Variants in RBM42 observed in about 807,000 individuals in gnomAD.
RBM42 encodes the protein RNA-binding protein 42.
In RBM42, 21 loss-of-function variants were observed where a neutral mutation model predicts 41.4. That is an observed-to-expected ratio of 0.51 (90% CI 0.36 to 0.73). The LOEUF (loss-of-function observed/expected upper bound fraction) is 0.73. Ranked by LOEUF, RBM42 falls within the 30% of genes least tolerant of loss-of-function variation. The pLI, the probability that RBM42 is intolerant of heterozygous loss-of-function variation, is 0.00. For synonymous variants in RBM42, 272 were observed against 271.2 expected, an observed-to-expected ratio of 1.00 and a Z score of -0.03; for missense variants, 539 against 680.4, an observed-to-expected ratio of 0.79 and a Z score of 2.31.
Position 35,634,281 on chromosome 19 carries a change from A to G in RBM42, c.1043A>G (p.Lys348Arg). The G allele has an allele frequency of 6.2e-7, 1 of 1,614,194 alleles. No homozygotes were observed. Among genetic ancestry groups the G allele is most frequent in the Non-Finnish European group, 8.5e-7 (1 of 1,180,022 alleles). Residue 348 changes from lysine to arginine, a missense_variant, in exon 8 of 10, where the codon AAG becomes AGG. This residue lies in a region of RBM42 where 429 missense variants were observed against 488.9 expected (regional missense o/e 0.88). Coordinates refer to ENST00000262633, the MANE Select transcript of RBM42 (RefSeq NM_024321.5). ...LEVPEPLGED[K>R]KKGKPEKLKR... ...GTCCCAGAGCCCCTGGGTGAAGACA[A>G]GAAGAAGGGGAAGCCAGAGAAATTG...
chr19:35,634,418 A>G (rs776971124), intron 8 of RBM42, 45 bp downstream of exon 8: 10 of 1,417,364 alleles, frequency 7.1e-6, no homozygotes, highest in Non-Finnish European at 9.0e-6. Flanking sequence ...GGCCAAGGTC[A>G]GACCAGGCTG....
At position 35,631,349 on chromosome 19, in the gene RBM42, A is replaced by T; in HGVS notation, c.386A>T (p.Asp129Val). Residue 129 changes from aspartate (D) to valine (V), a missense_variant, in exon 4 of 10, where the codon GAT becomes GTT. Coordinates refer to ENST00000262633, the MANE Select transcript of RBM42 (RefSeq NM_024321.5). ...FVGPVGFGPG[D>V]RSHLDSPEAR... ...CCAACAGTTGGCTTTGGCCCTGGTG[A>T]TCGGAGTCACCTGGACAGCCCAGAG... is the stretch of plus-strand genomic sequence containing the variant. 1 of 1,614,160 alleles carries T rather than the reference A, an allele frequency of 6.2e-7. No homozygotes were observed. The highest frequency in any genetic ancestry group is 8.5e-7 in the Non-Finnish European group (1 of 1,180,028).
chr19:35,631,854 A>C (rs1269356579), intron 4 of RBM42: 2 of 167,598 alleles, frequency 1.2e-5, no homozygotes, highest in African/African-American at 4.8e-5. Context: ...TGCTTCTTGC[A>C]GGGAGAGATC....
Position 35,637,318 on chromosome 19 carries a change from C to T in RBM42, c.1296C>T (p.Pro432=). Residue 432 remains proline (P), a synonymous_variant, in exon 9 of 10, where the codon CCC becomes CCT. Coordinates refer to ENST00000262633, the MANE Select transcript of RBM42 (RefSeq NM_024321.5). This position sits in a 1 kb window ranked among gnomAD's most constrained non-coding sequence, Gnocchi z 7.0. ...KGYGFVSFKD[P]SDYVRAMREM... ...ACGGCTTCGTCAGCTTCAAGGACCCCAGCGACTACGTGCGCGCCATGCGTG... is the reference window on the plus strand; with the variant it reads ...ACGGCTTCGTCAGCTTCAAGGACCCTAGCGACTACGTGCGCGCCATGCGTG... 1 of 1,614,262 alleles carries T rather than the reference C, an allele frequency of 6.2e-7. No homozygotes were observed. The highest frequency in any genetic ancestry group is 8.5e-7 in the Non-Finnish European group (1 of 1,180,046).
chr19:35,629,598 C>A lies in RBM42; in HGVS notation c.207C>A (p.Val69=). The A allele has an allele frequency of 6.2e-7, 1 of 1,614,212 alleles. No homozygotes were observed. The highest frequency in any genetic ancestry group is 1.1e-5 in the South Asian group (1 of 91,084). The part of the protein sequence containing the change: ...AVPAVPTVPT[V]PTVEAMQVPA... ...CTGCGGTGCCCACTGTCCCCACGGT[C>A]CCCACAGTAGAAGCGATGCAGGTCC... The change falls in exon 2 of 10, where the codon GTC becomes GTA. Residue 69 remains valine (V), a synonymous_variant. Transcript: ENST00000262633.
rs1967448562 is a variant in RBM42 at position 35,633,812 on chromosome 19, A to G, written c.810A>G (p.Ala270=). ...CTAGCGCGGCTGTGGCCGTGGGGGC[A>G]GGAGGTGCCCCAGCTGGCCCTGCAG... ...EEASAAVAVG[A]GGAPAGPAVI... The change falls in exon 7 of 10, where the codon GCA becomes GCG. Residue 270 remains alanine (A), a synonymous_variant. Coordinates refer to ENST00000262633, the MANE Select transcript of RBM42 (RefSeq NM_024321.5). The G allele has an allele frequency of 2.0e-6, 3 of 1,512,102 alleles. No individual in the cohort carries two copies. Among genetic ancestry groups the G allele is most frequent in the Non-Finnish European group, 2.6e-6 (3 of 1,138,048 alleles). The allele number at this position is 1,512,102 out of a possible 1,614,324, so 93.7% of individuals were successfully genotyped here.
At chr19:35,633,386 CTCTG>C in intron 6 of RBM42, 134 bp downstream of exon 6, 2 of 788,626 alleles carry the variant, frequency 2.5e-6, no homozygotes, top group Non-Finnish European at 4.1e-6. Flanking sequence ...CTGCCTTTGT[CTCTG>C]TCTCTTTCTG....
chr19:35,629,754 C>G (rs547954887), intron 2 of RBM42, 81 bp downstream of exon 2: 61 of 1,485,378 alleles, frequency 4.1e-5, no homozygotes, highest in Non-Finnish European at 5.3e-5. Context: ...GAGCTGTTGA[C>G]GTTTTGGCTT....
chr19:35,629,697 A>G, intron 2 of RBM42, 24 bp downstream of exon 2: 10 of 1,612,940 alleles, frequency 6.2e-6, no homozygotes, highest in Non-Finnish European at 8.5e-6. Context: ...AAGGCATGTA[A>G]GTCAGGGAAC....
At chr19:35,636,363 T>C (rs1193445973) in intron 8 of RBM42, among the ~76,000 whole-genome samples, 5 of 152,110 alleles carry the variant, frequency 3.3e-5, no homozygotes. Flanking sequence ...TTTCACCATG[T>C]TGGTCAGGCT....
chr19:35,637,288 G>A lies in RBM42; in HGVS notation c.1266G>A (p.Lys422=). The A allele has an allele frequency of 6.2e-7, 1 of 1,614,226 alleles. No homozygotes were observed. The highest frequency in any genetic ancestry group is 2.2e-5 in the East Asian group (1 of 44,876). ...GTGACAAGCGCACAGGCAAGACCAA[G>A]GGCTACGGCTTCGTCAGCTTCAAGG... ...VIRDKRTGKT[K]GYGFVSFKDP... is the part of the protein sequence containing the mutation. Residue 422 remains lysine (K), a synonymous_variant, in exon 9 of 10, where the codon AAG becomes AAA. Coordinates refer to ENST00000262633, the MANE Select transcript of RBM42 (RefSeq NM_024321.5). The surrounding 1 kb of genome is among the most constrained non-coding windows in gnomAD (Gnocchi z 7.0).
In RBM42 at chr19:35,637,254, A is replaced by G; in HGVS notation, c.1232A>G (p.Lys411Arg). 6.2e-7 allele frequency: 1 copy of G among 1,614,194 alleles called. No homozygotes were observed. The highest frequency in any genetic ancestry group is 8.5e-7 in the Non-Finnish European group (1 of 1,180,042). The change falls in exon 9 of 10, where the codon AAG (lysine) becomes AGG (arginine). Residue 411 changes from lysine (K) to arginine (R), a missense_variant. Lys to Arg is a conservative substitution (Grantham distance 26). Around this residue, in one of 2 missense-constraint regions of RBM42, gnomAD observed 110 missense variants for 191.5 expected, o/e 0.57. Coordinates refer to ENST00000262633, the MANE Select transcript of RBM42 (RefSeq NM_024321.5). The surrounding 1 kb of genome is among the most constrained non-coding windows in gnomAD (Gnocchi z 7.0). ...FSRFPSFLKA[K>R]VIRDKRTGKT... ...CGCTTCCCATCCTTCCTTAAGGCCA[A>G]GGTGATCCGTGACAAGCGCACAGGC... is the stretch of plus-strand genomic sequence containing the variant.
chr19:35,629,037 CT>C lies in RBM42; in HGVS notation c.-113del. The C allele has an allele frequency of 7.1e-7, 1 of 1,403,878 alleles. No homozygotes were observed. The highest frequency in any genetic ancestry group is 9.3e-7 in the Non-Finnish European group (1 of 1,070,506). 87.0% of individuals were successfully genotyped at this position (1,403,878 alleles called of 1,614,324 possible). On this transcript the variant is annotated 5_prime_UTR_variant, in exon 1 of 10. Coordinates refer to ENST00000262633, the MANE Select transcript of RBM42 (RefSeq NM_024321.5). ...TGACGTCATGCGCCAGCGCCCGTCG[CT>C]TTTGCTGGACGTCATCCTCGGGAGC...
At chr19:35,636,759 AAAGGCC>A (rs1967504284) in intron 8 of RBM42, among the ~76,000 whole-genome samples, 1 of 152,168 alleles carries the variant, frequency 6.6e-6, no homozygotes, top group Admixed American at 6.5e-5. Context: ...GGCTCAGAGG[AAAGGCC>A]AGGGCTAGGG....
At chr19:35,636,913 A>G (rs924425901) in intron 8 of RBM42, among the ~76,000 whole-genome samples, 3 of 151,812 alleles carry the variant, frequency 2.0e-5, no homozygotes, top group African/African-American at 4.8e-5. Flanking sequence ...TGCTTGTGTC[A>G]CTGTGGGCAG....
At position 35,633,945 on chromosome 19, in the gene RBM42, C is replaced by T. The variant is rs1159116829; in HGVS notation, c.943C>T (p.Pro315Ser). 1.9e-6 allele frequency: 3 copies of T among 1,574,294 alleles called. No homozygotes were observed. Among genetic ancestry groups the T allele is most frequent in the Admixed American group, 3.6e-5 (2 of 55,420 alleles). The stretch of plus-strand genomic sequence containing the variant: ...CGGCCTCCTGCCCCCGCTGCGCATT[C>T]CTGAACTCCTGTCCCTGCGTCCTCG... Reference protein sequence around the residue: ...VRGLLPPLRIPELLSLRPRPR... With the variant: ...VRGLLPPLRISELLSLRPRPR... The change falls in exon 7 of 10, where the codon CCT (proline) becomes TCT (serine). Residue 315 changes from proline (P) to serine (S), a missense_variant. This residue lies in a region of RBM42 where 429 missense variants were observed against 488.9 expected (regional missense o/e 0.88). Transcript: ENST00000262633.
At chr19:35,630,140 C>T (rs572418821) in intron 2 of RBM42, among the ~76,000 whole-genome samples, 52 of 151,830 alleles carry the variant, frequency 3.4e-4, no homozygotes, top group Admixed American at 3.0e-3. Flanking sequence ...ATGGTGAAAC[C>T]CCATCTCTAC....
At chr19:35,629,725 G>A in intron 2 of RBM42, 52 bp downstream of exon 2, 1 of 1,588,418 alleles carries the variant, frequency 6.3e-7, no homozygotes, top group South Asian at 1.1e-5. Context: ...CTCGAACAGA[G>A]TAGGTGTTTG....
intron 8 of RBM42, among the ~76,000 whole-genome samples, chr19:35,634,585 T>C (rs1426477593): frequency 1.3e-5 from 2 of 152,042 alleles, no homozygotes; most frequent in Non-Finnish European, 2.9e-5. Context: ...TGGGGCTTTG[T>C]AGCCTGTTTT....
Sources: allele counts gnomAD v4.1 joint callset (sites outside exome capture counted in the v4.1 genomes callset), GRCh38; gene constraint gnomAD v4.1.1; regional missense constraint gnomAD v4.1.1; non-coding constraint Gnocchi (gnomAD v3.1); transcripts MANE v1.5; gene names NCBI Gene and HGNC (gene_info 2026-07-23, HGNC 2026-07-21).